Variants in DPP6 observed in about 807,000 individuals in gnomAD.
The protein encoded by DPP6 is dipeptidyl peptidase like 6.
In DPP6, 69 loss-of-function variants were observed where a neutral mutation model predicts 122.6. The observed-to-expected ratio is 0.56, with a 90% CI of 0.46 to 0.69. DPP6 has a LOEUF of 0.69. Among genes scored for constraint, DPP6 ranks in the 30% least tolerant of loss-of-function variants. The pLI is 0.00. For missense variants in DPP6, 928 were observed against 1,116.9 expected, an observed-to-expected ratio of 0.83 and a Z score of 2.41; for synonymous variants, 418 against 433.1, an observed-to-expected ratio of 0.97 and a Z score of 0.43.
intron 1 of DPP6, among the ~76,000 whole-genome samples, chr7:153,928,395 C>CCTTTTTTTTTTTTTTT (rs1467865041): frequency 2.3e-4 from 7 of 29,994 alleles, no homozygotes; most frequent in Non-Finnish European, 3.3e-4. Context: ...TCTTTTCTTT[C>CCTTTTTTTTTTTTTTT]ATTTTTTTTT....
intron 1 of DPP6, among the ~76,000 whole-genome samples, chr7:154,218,327 G>A (rs1359234685): frequency 6.6e-6 from 1 of 152,160 alleles, no homozygotes; most frequent in Non-Finnish European, 1.5e-5. Context: ...GGCTTACAGA[G>A]TACCTTCAAA....
intron 5 of DPP6, among the ~76,000 whole-genome samples, chr7:154,584,308 G>A (rs749149684): frequency 6.6e-6 from 1 of 152,150 alleles, no homozygotes; most frequent in Non-Finnish European, 1.5e-5. Context: ...GTTCTCCCAC[G>A]CCCTTCCAGC....
At chr7:154,713,801 A>G (rs1841331395) in intron 7 of DPP6, among the ~76,000 whole-genome samples, 1 of 152,140 alleles carries the variant, frequency 6.6e-6, no homozygotes, top group Admixed American at 6.5e-5. Context: ...CATTTTCCCT[A>G]TTGTCTTGGT....
chr7:153,898,749 CAG>C (rs1328469346), intron 1 of DPP6, among the ~76,000 whole-genome samples: 5 of 152,080 alleles, frequency 3.3e-5, no homozygotes, highest in Non-Finnish European at 7.4e-5. Flanking sequence ...AATTGGCAAA[CAG>C]GGGCTATGAG....
At chr7:154,012,850 A>G (rs1798212001) in intron 1 of DPP6, among the ~76,000 whole-genome samples, 1 of 152,142 alleles carries the variant, frequency 6.6e-6, no homozygotes, top group Non-Finnish European at 1.5e-5. Flanking sequence ...TATATTTTTG[A>G]GAATCTGAAT....
intron 1 of DPP6, among the ~76,000 whole-genome samples, chr7:154,261,671 A>G (rs533328674): frequency 1.5e-4 from 23 of 151,140 alleles, no homozygotes; most frequent in African/African-American, 4.6e-4. Context: ...AGACTCTACA[A>G]TGAACTCAAA....
intron 1 of DPP6, among the ~76,000 whole-genome samples, chr7:153,941,746 A>T (rs932185394): frequency 1.3e-5 from 2 of 152,212 alleles, no homozygotes; most frequent in African/African-American, 4.8e-5. Flanking sequence ...GTACACAGCA[A>T]GGTAAGAAAT....
intron 5 of DPP6, among the ~76,000 whole-genome samples, chr7:154,619,591 A>G (rs1169496862): frequency 6.6e-6 from 1 of 152,208 alleles, no homozygotes; most frequent in Middle Eastern, 3.2e-3. Flanking sequence ...TAGCATAACA[A>G]TACAGGTAAA....
intron 5 of DPP6, among the ~76,000 whole-genome samples, chr7:154,636,148 G>A (rs1474344882): frequency 6.6e-6 from 1 of 152,130 alleles, no homozygotes; most frequent in South Asian, 2.1e-4. Context: ...AACAAAGTGA[G>A]ATCAATCATA....
At chr7:153,934,137 G>T (rs1382568538) in intron 1 of DPP6, among the ~76,000 whole-genome samples, 1 of 152,174 alleles carries the variant, frequency 6.6e-6, no homozygotes, top group African/African-American at 2.4e-5. Flanking sequence ...CATCCCTGAA[G>T]TGTGAGGGAT....
chr7:154,892,537 G>T lies in DPP6; in HGVS notation c.*57G>T. ...TTTCTACAACCAGATGCAACCGAGG[G>T]ATTTCCCTGCCCTCCCTCTTCCCTC... On this transcript the variant is annotated 3_prime_UTR_variant, in exon 26 of 26. Transcript: ENST00000377770. 7.4e-7 allele frequency: 1 copy of T among 1,355,592 alleles called. No individual in the cohort carries two copies. Among genetic ancestry groups the T allele is most frequent in the Non-Finnish European group, 9.9e-7 (1 of 1,010,618 alleles). The allele number at this position is 1,355,592 out of a possible 1,614,324, so 84.0% of individuals were successfully genotyped here.
chr7:154,242,459 T>C (rs1164764905), intron 1 of DPP6, among the ~76,000 whole-genome samples: 2 of 152,182 alleles, frequency 1.3e-5, no homozygotes, highest in East Asian at 3.8e-4. Flanking sequence ...CAGTGAACTT[T>C]TCCTCTAGCT....
At chr7:153,951,840 C>T (rs940656992) in intron 1 of DPP6, among the ~76,000 whole-genome samples, 5 of 152,052 alleles carry the variant, frequency 3.3e-5, no homozygotes, top group Non-Finnish European at 7.4e-5. Context: ...CTCAGGAGTT[C>T]AATACCAGCC....
chr7:153,875,566 T>C, the DPP6 span, among the ~76,000 whole-genome samples: 1 of 152,094 alleles, frequency 6.6e-6, no homozygotes, highest in Non-Finnish European at 1.5e-5. Context: ...AAGTTCCTTA[T>C]TACCTGGAGA....
At chr7:153,862,000 G>T in the DPP6 span, among the ~76,000 whole-genome samples, 1 of 152,178 alleles carries the variant, frequency 6.6e-6, no homozygotes, top group Non-Finnish European at 1.5e-5. Context: ...CAATGGCAGA[G>T]AATATGAAAG....
chr7:153,928,758 C>T (rs6464375), intron 1 of DPP6, among the ~76,000 whole-genome samples: 9,987 of 152,100 alleles, frequency 0.066, 343 homozygotes, highest in African/African-American at 0.085. Flanking sequence ...CAGACATTTG[C>T]ACCATAGCAG....
At chr7:154,866,098 G>A (rs1329044868) in intron 17 of DPP6, among the ~76,000 whole-genome samples, 1 of 152,210 alleles carries the variant, frequency 6.6e-6, no homozygotes, top group Non-Finnish European at 1.5e-5. Flanking sequence ...TAACGCTTGC[G>A]TTGATGGAGG....
intron 5 of DPP6, among the ~76,000 whole-genome samples, chr7:154,595,112 G>A (rs1000496919): frequency 6.6e-6 from 1 of 152,060 alleles, no homozygotes; most frequent in Non-Finnish European, 1.5e-5. Flanking sequence ...TGTGGATGAA[G>A]GCTGTTGAAC....
intron 1 of DPP6, among the ~76,000 whole-genome samples, chr7:154,063,359 G>C (rs1802339571): frequency 7.7e-6 from 1 of 129,104 alleles, no homozygotes; most frequent in African/African-American, 2.8e-5. Flanking sequence ...CCCATTGCAG[G>C]AGGGTGTGGC....
Sources: allele counts gnomAD v4.1 joint callset (sites outside exome capture counted in the v4.1 genomes callset), GRCh38; gene constraint gnomAD v4.1.1; transcripts MANE v1.5; gene names NCBI Gene and HGNC (gene_info 2026-07-23, HGNC 2026-07-21).